Variants in CFAP20DC observed in about 807,000 individuals in gnomAD.
CFAP20DC encodes CFAP20 domain containing, also known as protein CFAP20DC.
CFAP20DC carries 84 observed loss-of-function variants against 101.7 expected under a neutral mutation model. The ratio of observed to expected loss-of-function variants is 0.83; its 90% confidence interval spans 0.69 to 0.99. The LOEUF (loss-of-function observed/expected upper bound fraction) is 0.99, where lower values mean the gene tolerates loss of function less well. CFAP20DC is among the 50% of genes least tolerant of loss of function. The pLI, the probability that CFAP20DC is intolerant of heterozygous loss-of-function variation, is 0.00. For missense variants in CFAP20DC, 1,007 were observed against 970.3 expected, an observed-to-expected ratio of 1.04 and a Z score of -0.50; for synonymous variants, 359 against 351.2, an observed-to-expected ratio of 1.02 and a Z score of -0.25.
intron 4 of CFAP20DC, among the ~76,000 whole-genome samples, chr3:58,963,190 T>TGTGTGTGTG (rs2091283461): frequency 1.1e-4 from 13 of 118,300 alleles, no homozygotes; most frequent in East Asian, 2.8e-4. Flanking sequence ...GTTCAGTAGT[T>TGTGTGTGTG]TGTGTGTGTG....
rs550766597 is a variant in CFAP20DC, at chr3:58,933,724, T to C, written c.393+3924A>G. Reference sequence around the variant, plus strand: ...AAATAAAGATGTTCTTTGAAACCAATGAGAACAAAGACACAACATACCAGA... The same window carrying C: ...AAATAAAGATGTTCTTTGAAACCAACGAGAACAAAGACACAACATACCAGA... On this transcript the variant is annotated intron_variant, in intron 5 of 16. Transcript: ENST00000482387. Among the ~76,000 whole-genome samples the C allele has an allele frequency of 6.0e-5, 9 of 151,090 alleles. No individual in the cohort carries two copies. In the South Asian group the frequency reaches 1.3e-3, roughly 21 times the overall value.
chr3:58,778,690 A>G (rs1239256927), intron 15 of CFAP20DC, among the ~76,000 whole-genome samples: 4 of 152,252 alleles, frequency 2.6e-5, no homozygotes, highest in African/African-American at 9.6e-5. Flanking sequence ...CACAGGATCC[A>G]GTGTATGCTG....
chr3:58,993,432 T>A (rs1319249333), intron 4 of CFAP20DC, among the ~76,000 whole-genome samples: 1 of 152,168 alleles, frequency 6.6e-6, no homozygotes, highest in Non-Finnish European at 1.5e-5. Flanking sequence ...TTTTTTTTAT[T>A]TCCAACTTTT....
At chr3:59,037,283 G>A (rs2094121652) in intron 4 of CFAP20DC, among the ~76,000 whole-genome samples, 1 of 152,082 alleles carries the variant, frequency 6.6e-6, no homozygotes, top group Non-Finnish European at 1.5e-5. Flanking sequence ...TGACAAATGG[G>A]ATCTAATTAA....
rs1461877938 is a variant in CFAP20DC at position 58,849,209 on chromosome 3, A to G, written c.1794T>C (p.Ser598=). 1.3e-6 allele frequency: 2 copies of G among 1,536,048 alleles called. No homozygotes were observed. Among genetic ancestry groups the G allele is most frequent in the Admixed American group, 3.9e-5 (2 of 50,992 alleles). ...GAGAAAGGCATGTTGTAGGCAACAA[A>G]CTCATTTCAAAGTTATTTCTATCTA... is the stretch of plus-strand genomic sequence containing the variant. ...EQIDRNNFEM[S]LLPTTCLSPT... Residue 598 remains serine, a synonymous_variant, in exon 13 of 17, where the codon AGT becomes AGC. Transcript: ENST00000482387.
intron 6 of CFAP20DC, among the ~76,000 whole-genome samples, chr3:58,911,708 C>A (rs1023061126): frequency 2.0e-5 from 3 of 151,992 alleles, no homozygotes; most frequent in East Asian, 1.9e-4. Flanking sequence ...CTGAAAAAAA[C>A]CATGGATATT....
At chr3:58,935,759 T>C (rs972938999) in intron 5 of CFAP20DC, among the ~76,000 whole-genome samples, 5 of 152,158 alleles carry the variant, frequency 3.3e-5, no homozygotes, top group African/African-American at 4.8e-5. Context: ...TTACATCTTA[T>C]ACAAAAATTA....
At chr3:58,806,567 A>G in intron 14 of CFAP20DC, 111 bp from the exon 15 acceptor site, 3 of 661,294 alleles carry the variant, frequency 4.5e-6, no homozygotes, top group Non-Finnish European at 5.5e-6. Context: ...ACCCACAAGA[A>G]GGGTATGGGT....
At chr3:58,923,137 G>A (rs2085569545) in intron 5 of CFAP20DC, among the ~76,000 whole-genome samples, 1 of 152,048 alleles carries the variant, frequency 6.6e-6, no homozygotes. Context: ...GAATTCCTGA[G>A]CTCAGGTAAT....
At chr3:58,950,706 A>G (rs1175630236) in intron 4 of CFAP20DC, among the ~76,000 whole-genome samples, 1 of 152,238 alleles carries the variant, frequency 6.6e-6, no homozygotes, top group Non-Finnish European at 1.5e-5. Flanking sequence ...CTGGCTAGCC[A>G]TATGTAGAAA....
chr3:58,760,825 G>A (rs1340681970), intron 15 of CFAP20DC, among the ~76,000 whole-genome samples: 1 of 152,178 alleles, frequency 6.6e-6, no homozygotes, highest in African/African-American at 2.4e-5. Context: ...CTGTTTACAT[G>A]CTGGATTACA....
intron 15 of CFAP20DC, among the ~76,000 whole-genome samples, chr3:58,804,135 A>C (rs908767565): frequency 6.6e-6 from 1 of 152,214 alleles, no homozygotes; most frequent in African/African-American, 2.4e-5. Context: ...AGAATCATAA[A>C]GTTGGAATTG....
In CFAP20DC at chr3:58,728,433, T is replaced by C. The variant is rs1013148455; in HGVS notation, c.198-10805A>G. 5.3e-5 allele frequency among the ~76,000 whole-genome samples: 8 copies of C among 152,242 alleles called. No individual in the cohort carries two copies. Among genetic ancestry groups the C allele is most frequent in the African/African-American group, 1.9e-4 (8 of 41,474 alleles). On this transcript the variant is annotated intron_variant, in intron 3 of 3. Transcript: ENST00000486145. The surrounding 1 kb of genome is among the most constrained non-coding windows in gnomAD (Gnocchi z 4.7). ...CTAAAGAATTTTGATGTTTGTGTTA[T>C]TCAGACCTTTACGTGATTTGTAAAA... is the stretch of plus-strand genomic sequence containing the variant.
intron 5 of CFAP20DC, among the ~76,000 whole-genome samples, chr3:58,928,521 G>C (rs2086229622): frequency 6.6e-6 from 1 of 152,116 alleles, no homozygotes; most frequent in South Asian, 2.1e-4. Flanking sequence ...AATGATACAG[G>C]AACTTTGCAC....
At chr3:58,978,558 A>T (rs2092381733) in intron 4 of CFAP20DC, among the ~76,000 whole-genome samples, 1 of 151,778 alleles carries the variant, frequency 6.6e-6, no homozygotes. Context: ...AAAATACAAA[A>T]ATTAGCCAGG....
intron 4 of CFAP20DC, among the ~76,000 whole-genome samples, chr3:58,972,018 G>C (rs1391828823): frequency 1.3e-5 from 2 of 152,040 alleles, no homozygotes; most frequent in African/African-American, 2.4e-5. Flanking sequence ...AAATGGCAGA[G>C]TTTTAGAGCA....
intron 15 of CFAP20DC, among the ~76,000 whole-genome samples, chr3:58,756,236 G>A (rs2068945422): frequency 6.6e-6 from 1 of 152,062 alleles, no homozygotes; most frequent in Non-Finnish European, 1.5e-5. Flanking sequence ...CTCTGACAGT[G>A]AGGAAACTGG....
chr3:58,933,389 C>G (rs1000982800), intron 5 of CFAP20DC, among the ~76,000 whole-genome samples: 2 of 151,598 alleles, frequency 1.3e-5, no homozygotes, highest in African/African-American at 2.4e-5. Flanking sequence ...CAAGGATACC[C>G]AGGAATTGAA....
chr3:58,982,137 G>A (rs1405517803), intron 4 of CFAP20DC, among the ~76,000 whole-genome samples: 2 of 152,164 alleles, frequency 1.3e-5, no homozygotes, highest in African/African-American at 4.8e-5. Context: ...TCAGAGAAAT[G>A]CAAATCAAAA....
Sources: allele counts gnomAD v4.1 joint callset (sites outside exome capture counted in the v4.1 genomes callset), GRCh38; gene constraint gnomAD v4.1.1; non-coding constraint Gnocchi (gnomAD v3.1); transcripts MANE v1.5; gene names NCBI Gene and HGNC (gene_info 2026-07-23, HGNC 2026-07-21).